Variants in CNTN6 observed in about 807,000 individuals in gnomAD.
CNTN6 encodes the protein contactin-6.
A neutral mutation model predicts 122.8 loss-of-function variants in CNTN6; 137 were observed. The observed-to-expected ratio is 1.12, with a 90% confidence interval of 0.97 to 1.29. CNTN6 has a LOEUF of 1.29. CNTN6 is among the 50% of genes most tolerant of loss of function. CNTN6 has a pLI of 0.00. For synonymous variants in CNTN6, 570 were observed against 426.0 expected (o/e 1.34, Z -4.16); for missense variants, 1,634 against 1,223.4 (o/e 1.34, Z -5.01).
chr3:1,135,948 C>A (rs754976665), intron 1 of CNTN6, among the ~76,000 whole-genome samples: 4 of 152,214 alleles, frequency 2.6e-5, no homozygotes, highest in Non-Finnish European at 5.9e-5. Flanking sequence ...GCCGAGATTG[C>A]GCCACTGCAC....
intron 5 of CNTN6, among the ~76,000 whole-genome samples, chr3:1,278,769 G>A (rs1026694857): frequency 3.3e-5 from 5 of 152,170 alleles, no homozygotes; most frequent in African/African-American, 1.2e-4. Flanking sequence ...GGGCTTTTTA[G>A]AGAAACTGAC....
intron 19 of CNTN6, among the ~76,000 whole-genome samples, chr3:1,384,772 C>CACAT (rs1446440614): frequency 8.3e-6 from 1 of 120,928 alleles, no homozygotes; most frequent in East Asian, 2.3e-4. Context: ...TATATATACA[C>CACAT]ATATATATAT....
chr3:1,325,469 A>G (rs896674091), intron 8 of CNTN6, among the ~76,000 whole-genome samples: 15 of 152,020 alleles, frequency 9.9e-5, no homozygotes, highest in Non-Finnish European at 2.1e-4. Flanking sequence ...CAGATTTGAT[A>G]TACATTTTCT....
chr3:1,144,982 C>G (rs968050550), intron 1 of CNTN6, among the ~76,000 whole-genome samples: 1 of 151,982 alleles, frequency 6.6e-6, no homozygotes, highest in African/African-American at 2.4e-5. Flanking sequence ...ATTTTCTAGC[C>G]CAAGGAAGTA....
At chr3:1,364,191 G>T (rs9985457) in intron 12 of CNTN6, among the ~76,000 whole-genome samples, 1 of 151,778 alleles carries the variant, frequency 6.6e-6, no homozygotes, top group African/African-American at 2.4e-5. Flanking sequence ...GAATTCATTA[G>T]AAAAAAGACC....
chr3:1,306,821 G>A (rs1020728032), intron 7 of CNTN6, among the ~76,000 whole-genome samples: 3 of 152,054 alleles, frequency 2.0e-5, no homozygotes, highest in Non-Finnish European at 4.4e-5. Context: ...AAGAAGGAGC[G>A]AAGTGGTTTC....
At chr3:1,362,015 C>A (rs978033301) in intron 12 of CNTN6, among the ~76,000 whole-genome samples, 11 of 152,010 alleles carry the variant, frequency 7.2e-5, no homozygotes, top group African/African-American at 2.7e-4. Flanking sequence ...TCAGAATAAA[C>A]CAAATAGAAT....
At chr3:1,257,485 C>A (rs1394677046) in intron 4 of CNTN6, among the ~76,000 whole-genome samples, 2 of 151,978 alleles carry the variant, frequency 1.3e-5, no homozygotes, top group African/African-American at 2.4e-5. Flanking sequence ...CCTTCGAGGC[C>A]TTCGATTCAC....
intron 2 of CNTN6, among the ~76,000 whole-genome samples, chr3:1,154,250 T>C (rs893419763): frequency 1.3e-5 from 2 of 152,068 alleles, no homozygotes; most frequent in Admixed American, 6.5e-5. Flanking sequence ...TGGCATACTA[T>C]AGGAAATGTA....
At chr3:1,330,471 AC>A (rs1333485194) in intron 11 of CNTN6, among the ~76,000 whole-genome samples, 2 of 151,858 alleles carry the variant, frequency 1.3e-5, no homozygotes, top group Admixed American at 6.6e-5. Flanking sequence ...GGAGACTTTG[AC>A]AAAAGAAAAC....
At chr3:1,277,946 C>G (rs1482902083) in intron 4 of CNTN6, among the ~76,000 whole-genome samples, 1 of 152,094 alleles carries the variant, frequency 6.6e-6, no homozygotes, top group African/African-American at 2.4e-5. Context: ...CACTTTTTGT[C>G]TCATTGGTTC....
chr3:1,321,879 C>G (rs1048469436), intron 8 of CNTN6, 45 bp downstream of exon 8: 1 of 1,450,244 alleles, frequency 6.9e-7, no homozygotes, highest in Middle Eastern at 1.9e-4. Flanking sequence ...TTTGGTAATG[C>G]CCTTCATAAT....
chr3:1,367,497 T>G (rs1043224270), intron 12 of CNTN6, among the ~76,000 whole-genome samples: 7 of 152,060 alleles, frequency 4.6e-5, no homozygotes, highest in Admixed American at 1.3e-4. Context: ...TTGAAATTCT[T>G]AATCATTTTA....
intron 1 of CNTN6, among the ~76,000 whole-genome samples, chr3:1,109,179 C>T (rs899261139): frequency 6.6e-6 from 1 of 151,984 alleles, no homozygotes; most frequent in African/African-American, 2.4e-5. Flanking sequence ...TTATGATCCC[C>T]GATGAGCACT....
chr3:1,191,519 T>C (rs756894157), intron 2 of CNTN6, among the ~76,000 whole-genome samples: 4 of 152,200 alleles, frequency 2.6e-5, no homozygotes, highest in African/African-American at 4.8e-5. Flanking sequence ...CTCCTGCACA[T>C]AGGACCCTTC....
At chr3:1,337,559 C>G (rs1559862788) in intron 11 of CNTN6, among the ~76,000 whole-genome samples, 1 of 152,096 alleles carries the variant, frequency 6.6e-6, no homozygotes, top group Non-Finnish European at 1.5e-5. Context: ...TATTTTGTAT[C>G]TCCAACTACT....
chr3:1,327,693 A>G (rs1701733386), intron 10 of CNTN6, 107 bp downstream of exon 10: 2 of 1,114,552 alleles, frequency 1.8e-6, no homozygotes, highest in East Asian at 2.5e-5. Context: ...TTGCTGTCCC[A>G]TCAAATAATG....
intron 2 of CNTN6, among the ~76,000 whole-genome samples, chr3:1,185,558 G>C (rs551863004): frequency 6.6e-6 from 1 of 152,148 alleles, no homozygotes; most frequent in East Asian, 1.9e-4. Context: ...TAATCTATGT[G>C]ACCTTGGCAT....
intron 17 of CNTN6, among the ~76,000 whole-genome samples, chr3:1,382,386 G>C (rs1692031549): frequency 1.3e-5 from 2 of 151,950 alleles, no homozygotes; most frequent in African/African-American, 4.8e-5. Context: ...TTTCATGTGA[G>C]GAAAAATGCA....
Sources: gnomAD v4.1 joint callset for allele counts (sites outside exome capture counted in the v4.1 genomes callset) on GRCh38, gnomAD v4.1.1 for gene constraint, MANE v1.5 for transcripts, NCBI Gene and HGNC (gene_info 2026-07-23, HGNC 2026-07-21) for gene names.